The following VPS13B variants were observed in gnomAD, a reference collection of about 807,000 sequenced individuals.
The protein encoded by VPS13B is vacuolar protein sorting 13 homolog B.
A neutral mutation model predicts 426.4 loss-of-function variants in VPS13B; 285 were observed. The observed-to-expected ratio is 0.67, with a 90% CI of 0.61 to 0.74. The LOEUF (loss-of-function observed/expected upper bound fraction) is 0.74, where lower values mean the gene tolerates loss of function less well. Ranked by LOEUF, VPS13B falls within the 30% of genes least tolerant of loss-of-function variation. The pLI is 0.00. For missense variants in VPS13B, 4,537 were observed against 4,782.6 expected (o/e 0.95, Z 1.51); for synonymous variants, 1,676 against 1,676.4 (o/e 1.00, Z 0.01).
intron 43 of VPS13B, among the ~76,000 whole-genome samples, chr8:99,806,138 A>T (rs959645216): frequency 6.6e-6 from 1 of 152,240 alleles, no homozygotes; most frequent in Non-Finnish European, 1.5e-5. Flanking sequence ...TAGGGAAGAT[A>T]TCAGTGACTA....
chr8:99,295,285 C>T (rs1188127754), intron 19 of VPS13B, among the ~76,000 whole-genome samples: 3 of 151,742 alleles, frequency 2.0e-5, no homozygotes, highest in Non-Finnish European at 4.4e-5. Context: ...CTATAAACAG[C>T]CTAAAGGAAA....
chr8:99,257,507 A>AGTGTCC (rs958799543), intron 17 of VPS13B, among the ~76,000 whole-genome samples: 5 of 152,162 alleles, frequency 3.3e-5, no homozygotes, highest in Non-Finnish European at 7.4e-5. Context: ...TTTTTATTCC[A>AGTGTCC]GTGTGTTCTT....
At chr8:99,067,571 A>G (rs1043027769) in intron 3 of VPS13B, among the ~76,000 whole-genome samples, 2 of 152,240 alleles carry the variant, frequency 1.3e-5, no homozygotes, top group African/African-American at 4.8e-5. Flanking sequence ...GCAGCAAAAC[A>G]ACATGGCACA....
At chr8:99,400,698 G>C (rs1157215476) in intron 21 of VPS13B, among the ~76,000 whole-genome samples, 2 of 152,106 alleles carry the variant, frequency 1.3e-5, no homozygotes, top group Admixed American at 1.3e-4. Context: ...TTGTGGCGGA[G>C]TCTCGCTCTG....
chr8:99,659,697 GT>G (rs1284589653), intron 34 of VPS13B, among the ~76,000 whole-genome samples: 1 of 152,074 alleles, frequency 6.6e-6, no homozygotes, highest in Non-Finnish European at 1.5e-5. Context: ...TTACTTGTCA[GT>G]TTTTTATACA....
chr8:99,121,157 G>A lies in VPS13B; in HGVS notation c.938-20G>A, dbSNP rs1226574152. The A allele has an allele frequency of 6.2e-7, 1 of 1,604,676 alleles. No homozygotes were observed. Among genetic ancestry groups the A allele is most frequent in the Non-Finnish European group, 8.5e-7 (1 of 1,175,236 alleles). Reference sequence around the variant, plus strand: ...TAAATCCTTTTGACTTATTTAAAATGACTTAATTTTAATTGATAGGTTCTG... The same window carrying A: ...TAAATCCTTTTGACTTATTTAAAATAACTTAATTTTAATTGATAGGTTCTG... On this transcript the variant is annotated intron_variant, in intron 7 of 61. Coordinates refer to ENST00000357162, the MANE Select transcript of VPS13B (RefSeq NM_152564.5).
At chr8:99,764,202 T>C (rs1052049595) in intron 39 of VPS13B, among the ~76,000 whole-genome samples, 5 of 152,016 alleles carry the variant, frequency 3.3e-5, no homozygotes, top group Admixed American at 1.3e-4. Flanking sequence ...GTGAGTCCTG[T>C]GTTAGAGTAG....
chr8:99,313,725 G>T (rs886927887), intron 19 of VPS13B, among the ~76,000 whole-genome samples: 1 of 152,160 alleles, frequency 6.6e-6, no homozygotes, highest in African/African-American at 2.4e-5. Flanking sequence ...GTCTGCAGAG[G>T]TTTCTGCTGC....
At chr8:99,592,525 G>A (rs767346847) in intron 33 of VPS13B, among the ~76,000 whole-genome samples, 3 of 151,574 alleles carry the variant, frequency 2.0e-5, no homozygotes, top group South Asian at 2.1e-4. Context: ...TTTTGTTGAC[G>A]TTGTTGCTAT....
intron 39 of VPS13B, among the ~76,000 whole-genome samples, chr8:99,763,043 G>A (rs925823040): frequency 1.3e-5 from 2 of 149,582 alleles, no homozygotes; most frequent in African/African-American, 4.9e-5. Flanking sequence ...GGCTGAAGTG[G>A]GAGGATCGCT....
intron 17 of VPS13B, among the ~76,000 whole-genome samples, chr8:99,263,033 CCAAAGTGCTGG>C (rs1410552505): frequency 6.6e-6 from 1 of 152,082 alleles, no homozygotes; most frequent in Non-Finnish European, 1.5e-5. Flanking sequence ...CCTTGGCCCC[CCAAAGTGCTGG>C]GATTATAGGC....
chr8:99,308,933 G>C (rs959753101), intron 19 of VPS13B, among the ~76,000 whole-genome samples: 3 of 152,160 alleles, frequency 2.0e-5, no homozygotes, highest in Admixed American at 2.0e-4. Context: ...GATGGCCAGT[G>C]ATGGTGAGCA....
At chr8:99,552,963 C>T (rs1824364201) in intron 30 of VPS13B, among the ~76,000 whole-genome samples, 1 of 152,146 alleles carries the variant, frequency 6.6e-6, no homozygotes, top group South Asian at 2.1e-4. Flanking sequence ...ACTGTCCTAT[C>T]ACCACAGAGG....
At chr8:99,175,184 T>C (rs1183703877) in intron 16 of VPS13B, among the ~76,000 whole-genome samples, 3 of 152,108 alleles carry the variant, frequency 2.0e-5, no homozygotes, top group Non-Finnish European at 2.9e-5. Flanking sequence ...TGTAGGAGGG[T>C]GCATTTGATG....
intron 3 of VPS13B, among the ~76,000 whole-genome samples, chr8:99,060,650 A>C (rs1342249598): frequency 6.6e-6 from 1 of 152,046 alleles, no homozygotes; most frequent in Non-Finnish European, 1.5e-5. Context: ...ATAATCTTTT[A>C]TTATATGATG....
chr8:99,677,450 C>T (rs1282812140), intron 35 of VPS13B, among the ~76,000 whole-genome samples: 3 of 152,152 alleles, frequency 2.0e-5, no homozygotes, highest in Non-Finnish European at 4.4e-5. Flanking sequence ...CAAAATGAAA[C>T]AGTAAACTTG....
intron 37 of VPS13B, 115 bp downstream of exon 37, chr8:99,717,488 A>G: frequency 1.0e-6 from 1 of 961,414 alleles, no homozygotes; most frequent in South Asian, 1.4e-5. Context: ...TATTTGTCAG[A>G]TTGCTACTTG....
At chr8:99,518,495 G>C (rs1050557779) in intron 29 of VPS13B, among the ~76,000 whole-genome samples, 2 of 152,096 alleles carry the variant, frequency 1.3e-5, no homozygotes, top group Non-Finnish European at 2.9e-5. Flanking sequence ...TAAAAATACT[G>C]TCTTTACTGT....
chr8:99,589,160 G>A (rs1826465247), intron 33 of VPS13B, among the ~76,000 whole-genome samples: 1 of 151,640 alleles, frequency 6.6e-6, no homozygotes, highest in African/African-American at 2.4e-5. Context: ...ACTTGATCAT[G>A]GTGGATAAAC....
Sources: allele counts gnomAD v4.1 joint callset (sites outside exome capture counted in the v4.1 genomes callset), GRCh38; gene constraint gnomAD v4.1.1; transcripts MANE v1.5; gene names NCBI Gene and HGNC (gene_info 2026-07-23, HGNC 2026-07-21).